Variants in LAMA4 observed in about 807,000 individuals in gnomAD.
LAMA4 encodes laminin subunit alpha 4.
In LAMA4, 127 loss-of-function variants were observed where a neutral mutation model predicts 207.1. The ratio of observed to expected loss-of-function variants is 0.61; its 90% CI spans 0.53 to 0.71. The LOEUF is 0.71. Among genes scored for constraint, LAMA4 ranks in the 30% least tolerant of loss-of-function variants. The pLI is 0.00. For missense variants in LAMA4, 2,093 were observed against 2,246.5 expected, an observed-to-expected ratio of 0.93 and a Z score of 1.38; for synonymous variants, 761 against 816.0, an observed-to-expected ratio of 0.93 and a Z score of 1.15.
At chr6:112,187,698 C>G (rs971287125) in intron 7 of LAMA4, 97 bp from the exon 8 acceptor site, 92 of 1,221,422 alleles carry the variant, frequency 7.5e-5, no homozygotes, top group Non-Finnish European at 1.0e-4. Flanking sequence ...TGGTTAATAC[C>G]ATTTTTATTT....
intron 2 of LAMA4, chr6:112,219,150 C>T (rs185428581): frequency 2.6e-5 from 4 of 152,202 alleles, no homozygotes; most frequent in East Asian, 3.9e-4. Flanking sequence ...TTTGAAATTT[C>T]GAAGGACCTG....
chr6:112,182,582 G>A (rs1244838077), intron 9 of LAMA4, among the ~76,000 whole-genome samples: 2 of 152,144 alleles, frequency 1.3e-5, no homozygotes, highest in Admixed American at 6.5e-5. Flanking sequence ...TTAGTCCTGT[G>A]GGTCTCTCTG....
Position 112,122,016 on chromosome 6 carries a change from G to A in LAMA4, c.4473C>T (p.Ala1491=). The A allele has an allele frequency of 6.2e-7, 1 of 1,613,440 alleles. No homozygotes were observed. The highest frequency in any genetic ancestry group is 8.5e-7 in the Non-Finnish European group (1 of 1,179,520). ...AGGAGTATAGTGTGTTACTTTACTT[G>A]GCACCAAAATCTCCTTTTAAGTGTT... ...EFEHLKGDFG[A]KSQFSIRLRT... is the part of the protein sequence containing the mutation. Residue 1491 remains alanine (A), a splice_region_variant and synonymous_variant, in exon 32 of 39, where the codon GCC becomes GCT. Coordinates refer to ENST00000230538, the MANE Select transcript of LAMA4 (RefSeq NM_001105206.3).
At chr6:112,246,049 A>C (rs1259820509) in intron 2 of LAMA4, among the ~76,000 whole-genome samples, 2 of 152,224 alleles carry the variant, frequency 1.3e-5, no homozygotes, top group African/African-American at 4.8e-5. Context: ...AATTTCATTA[A>C]GACTTTGATG....
intron 12 of LAMA4, among the ~76,000 whole-genome samples, chr6:112,166,629 T>C (rs910729892): frequency 2.4e-4 from 37 of 152,224 alleles, no homozygotes; most frequent in African/African-American, 8.2e-4. Flanking sequence ...CTAATAGCAC[T>C]GTATATAAGC....
Position 112,200,142 on chromosome 6 carries a change from C to T in LAMA4, c.503+1466G>A, listed in dbSNP as rs372226839. 1.9e-5 allele frequency: 10 copies of T among 533,154 alleles called. No individual in the cohort carries two copies. The African/African-American group carries it at 1.9e-4, about 10-fold the overall frequency. The allele number at this position is 533,154 out of a possible 1,614,324, so 33.0% of individuals were successfully genotyped here. On this transcript the variant is annotated intron_variant, in intron 5 of 38. Coordinates refer to ENST00000230538, the MANE Select transcript of LAMA4 (RefSeq NM_001105206.3). ...ATGGGAAATATCTTACCGAGTCATTCAGTGGAAAGCCTCTCGTGCTCTGTG... is the reference window on the plus strand; with the variant it reads ...ATGGGAAATATCTTACCGAGTCATTTAGTGGAAAGCCTCTCGTGCTCTGTG...
Position 112,161,487 on chromosome 6 carries a change from A to G in LAMA4, c.1669-2607T>C, listed in dbSNP as rs1184391892. Among the ~76,000 whole-genome samples the G allele has an allele frequency of 1.1e-4, 17 of 152,332 alleles. No individual in the cohort carries two copies. In the South Asian group the frequency reaches 2.9e-3, roughly 26 times the overall value. On this transcript the variant is annotated intron_variant, in intron 13 of 38. Transcript: ENST00000230538. Reference sequence around the variant, plus strand: ...TAATTGTATAAGTGGAAAATAGACCATGGACATACCACTTTTACTCATTCA... The same window carrying G: ...TAATTGTATAAGTGGAAAATAGACCGTGGACATACCACTTTTACTCATTCA...
chr6:112,228,209 G>A (rs1785334970), intron 2 of LAMA4, among the ~76,000 whole-genome samples: 1 of 152,194 alleles, frequency 6.6e-6, no homozygotes, highest in Non-Finnish European at 1.5e-5. Flanking sequence ...AGCTGGCCTG[G>A]AGTTGAAATG....
chr6:112,136,204 A>T lies in LAMA4; in HGVS notation c.3333T>A (p.Tyr1111Ter). 1 of 1,612,638 alleles carries T rather than the reference A, an allele frequency of 6.2e-7. No homozygotes were observed. Among genetic ancestry groups the T allele is most frequent in the Non-Finnish European group, 8.5e-7 (1 of 1,178,746 alleles). Residue 1111 changes from tyrosine (Y) to a stop codon, truncating the protein, a stop_gained, in exon 25 of 39, where the codon TAT (tyrosine) becomes TAA (stop). Transcript: ENST00000230538. LOFTEE classifies it high-confidence loss of function. Reference protein sequence around the residue: ...EMRNGYLHVFYDFGFSGGPVH... With the variant: ...EMRNGYLHVF ...CAGGGCCACCGCTGAATCCAAAATCATAGAACACATGTAGGTAACCATTGC... is the reference window on the plus strand; with the variant it reads ...CAGGGCCACCGCTGAATCCAAAATCTTAGAACACATGTAGGTAACCATTGC...
chr6:112,127,274 A>T (rs1778752568), intron 31 of LAMA4, among the ~76,000 whole-genome samples: 1 of 151,972 alleles, frequency 6.6e-6, no homozygotes. Context: ...AAAAAAGAAT[A>T]GAAAGAGGCA....
rs1239642838 is a variant in LAMA4 at position 112,216,465 on chromosome 6, C to A, written c.200G>T (p.Cys67Phe). The change falls in exon 3 of 39, where the codon TGC becomes TTC. Residue 67 changes from cysteine to phenylalanine, a missense_variant. By Grantham distance (205) the Cys-to-Phe change is radical. This residue lies in a region of LAMA4 where 1,704 missense variants were observed against 1,788.4 expected (regional missense o/e 0.95). Transcript: ENST00000230538. Reference sequence around the variant, plus strand: ...CAGGGTGTGAAAGAATCCAGCATTGCATTTCTGCAACAGACACACCAAACC... The same window carrying A: ...CAGGGTGTGAAAGAATCCAGCATTGAATTTCTGCAACAGACACACCAAACC... ...LGRLPPAAEK[C>F]NAGFFHTLSG... 1 of 1,609,300 alleles carries A rather than the reference C, an allele frequency of 6.2e-7. No homozygotes were observed. The highest frequency in any genetic ancestry group is 1.3e-5 in the African/African-American group (1 of 74,824).
Position 112,134,529 on chromosome 6 carries a change from C to T in LAMA4, c.3495G>A (p.Lys1165=). The T allele has an allele frequency of 6.2e-7, 1 of 1,612,566 alleles. No homozygotes were observed. The highest frequency in any genetic ancestry group is 8.5e-7 in the Non-Finnish European group (1 of 1,178,766). ...ATATATCTGTAAAAGGTATTTTCAT[C>T]TTTTCATTATCCATGCTCTTGACAT... ...RRHVKSMDNE[K]MKIPFTDIYI... The change falls in exon 26 of 39, where the codon AAG becomes AAA. Residue 1165 remains lysine, a synonymous_variant. Coordinates refer to ENST00000230538, the MANE Select transcript of LAMA4 (RefSeq NM_001105206.3).
intron 4 of LAMA4, among the ~76,000 whole-genome samples, chr6:112,203,929 T>C (rs1554353330): frequency 1.3e-5 from 2 of 152,150 alleles, no homozygotes; most frequent in Non-Finnish European, 2.9e-5. Flanking sequence ...CTGGATCCAC[T>C]TACACAGAGA....
At chr6:112,142,370 G>A in intron 19 of LAMA4, 78 bp from the exon 20 acceptor site, 1 of 1,305,214 alleles carries the variant, frequency 7.7e-7, no homozygotes, top group Non-Finnish European at 1.1e-6. Flanking sequence ...CCTCATTCGT[G>A]ACAGGGGCCT....
At chr6:112,190,903 C>A (rs1782999061) in intron 6 of LAMA4, among the ~76,000 whole-genome samples, 2 of 86,492 alleles carry the variant, frequency 2.3e-5, no homozygotes, top group African/African-American at 8.8e-5. Context: ...TTCTTTCTTT[C>A]TTTCTTTCTT....
chr6:112,121,543 T>G (rs1778356405), intron 32 of LAMA4, among the ~76,000 whole-genome samples: 2 of 152,210 alleles, frequency 1.3e-5, no homozygotes, highest in Non-Finnish European at 2.9e-5. Context: ...ACCTGGAGAT[T>G]TGTGAAATAC....
chr6:112,250,733 C>A (rs1787384024), intron 2 of LAMA4, among the ~76,000 whole-genome samples: 1 of 152,194 alleles, frequency 6.6e-6, no homozygotes, highest in Middle Eastern at 3.2e-3. Context: ...CACAATGTAA[C>A]CTCCAACCTC....
intron 6 of LAMA4, among the ~76,000 whole-genome samples, chr6:112,190,891 CT>C (rs1424569022): frequency 8.7e-5 from 6 of 68,692 alleles, no homozygotes; most frequent in Non-Finnish European, 1.5e-4. Flanking sequence ...TTCTTTCTTT[CT>C]TTCTTTCTTT....
chr6:112,174,010 A>G (rs1781872820), intron 11 of LAMA4, among the ~76,000 whole-genome samples: 1 of 152,260 alleles, frequency 6.6e-6, no homozygotes, highest in South Asian at 2.1e-4. Flanking sequence ...AATAGTTACC[A>G]TAATTTTGAG....
Sources: gnomAD v4.1 joint callset for allele counts (sites outside exome capture counted in the v4.1 genomes callset) on GRCh38, gnomAD v4.1.1 for gene constraint, gnomAD v4.1.1 regional missense constraint, MANE v1.5 for transcripts, NCBI Gene and HGNC (gene_info 2026-07-23, HGNC 2026-07-21) for gene names.